The following RAP1GAP variants were observed in gnomAD, a reference collection of about 807,000 sequenced individuals.
RAP1GAP encodes the protein RAP1 GTPase activating protein.
In RAP1GAP, 35 loss-of-function variants were observed where a neutral mutation model predicts 87.2. That is an observed-to-expected ratio of 0.40 (90% confidence interval 0.31 to 0.53). The LOEUF is 0.53. Ranked by LOEUF, RAP1GAP falls within the 20% of genes least tolerant of loss-of-function variation. RAP1GAP has a pLI of 0.48. For synonymous variants in RAP1GAP, 375 were observed against 363.9 expected (o/e 1.03, Z -0.35); for missense variants, 734 against 898.9 (o/e 0.82, Z 2.35).
In RAP1GAP at chr1:21,611,576, C is replaced by T. The variant is rs781669156; in HGVS notation, c.719G>A (p.Arg240Gln). 6 of 1,614,146 alleles carry T rather than the reference C, an allele frequency of 3.7e-6. No individual in the cohort carries two copies. Among genetic ancestry groups the T allele is most frequent in the Non-Finnish European group, 5.1e-6 (6 of 1,180,024 alleles). ...KVKLQDFKGF[R>Q]GGLDVTHGQT... ...CCCGTGGGTCACGTCCAGGCCTCCTCGGAACCTGCCCCGGGGCCCCCCAGG... is the reference window on the plus strand; with the variant it reads ...CCCGTGGGTCACGTCCAGGCCTCCTTGGAACCTGCCCCGGGGCCCCCCAGG... The change falls in exon 13 of 25, where the codon CGA becomes CAA. Residue 240 changes from arginine to glutamine, a missense_variant. By Grantham distance (43) the Arg-to-Gln change is conservative (BLOSUM62 1). Coordinates refer to ENST00000374765, the MANE Select transcript of RAP1GAP (RefSeq NM_002885.4).
intron 2 of RAP1GAP, among the ~76,000 whole-genome samples, chr1:21,646,575 G>C (rs1163979429): frequency 6.6e-6 from 1 of 152,176 alleles, no homozygotes; most frequent in Non-Finnish European, 1.5e-5. Flanking sequence ...AATCCTTTCT[G>C]GGTTCTGCCT....
At chr1:21,643,736 C>T (rs2095766148) in intron 2 of RAP1GAP, among the ~76,000 whole-genome samples, 1 of 152,318 alleles carries the variant, frequency 6.6e-6, no homozygotes, top group Non-Finnish European at 1.5e-5. Flanking sequence ...TCCCCCTGCG[C>T]ATACACTCTG....
intron 2 of RAP1GAP, among the ~76,000 whole-genome samples, chr1:21,648,570 G>A (rs551005464): frequency 3.3e-5 from 5 of 152,296 alleles, no homozygotes; most frequent in South Asian, 4.1e-4. Flanking sequence ...CACGTCAGGC[G>A]TCTACTACAG....
intron 3 of RAP1GAP, among the ~76,000 whole-genome samples, chr1:21,621,852 C>T (rs1570845751): frequency 6.6e-6 from 1 of 152,332 alleles, no homozygotes; most frequent in East Asian, 1.9e-4. Context: ...GAATCAGTCA[C>T]ATAAACACTG....
chr1:21,606,253 G>T, intron 17 of RAP1GAP, 56 bp from the exon 18 acceptor site: 1 of 1,535,606 alleles, frequency 6.5e-7, no homozygotes, highest in South Asian at 1.2e-5. Flanking sequence ...CGTCCCCTTG[G>T]GGAAACCCAG....
intron 1 of RAP1GAP, among the ~76,000 whole-genome samples, chr1:21,650,352 T>G (rs2096465108): frequency 6.6e-6 from 1 of 151,852 alleles, no homozygotes; most frequent in Non-Finnish European, 1.5e-5. Context: ...ACACGTACCC[T>G]GCTCCCTAAG....
intron 18 of RAP1GAP, 107 bp downstream of exon 18, chr1:21,605,959 T>C (rs1382115960): frequency 7.4e-6 from 10 of 1,356,836 alleles, no homozygotes; most frequent in Non-Finnish European, 9.0e-6. Flanking sequence ...GATGGGCATG[T>C]GGGCAGCAGG....
At position 21,603,903 on chromosome 1, in the gene RAP1GAP, T is replaced by C. The variant is rs41312006; in HGVS notation, c.1429-990A>G. On this transcript the variant is annotated intron_variant, in intron 18 of 24. Coordinates refer to ENST00000374765, the MANE Select transcript of RAP1GAP (RefSeq NM_002885.4). The surrounding 1 kb of genome is among the most constrained non-coding windows in gnomAD (Gnocchi z 6.0). Reference sequence around the variant, plus strand: ...AATCTACTCGCACTTTTCCCAGGAATAAGCAATGACTGGCAAGCAGCAGAG... The same window carrying C: ...AATCTACTCGCACTTTTCCCAGGAACAAGCAATGACTGGCAAGCAGCAGAG... 148 of 1,546,372 alleles carry C rather than the reference T, an allele frequency of 9.6e-5. No individual in the cohort carries two copies. Among genetic ancestry groups the C allele is most frequent in the Non-Finnish European group, 1.3e-4 (146 of 1,142,204 alleles).
intron 11 of RAP1GAP, 74 bp downstream of exon 11, chr1:21,611,952 C>T (rs1412950008): frequency 4.0e-6 from 6 of 1,482,044 alleles, no homozygotes; most frequent in Non-Finnish European, 4.6e-6. Flanking sequence ...GGCCGGTGTG[C>T]TGCCCTGGAA....
Position 21,606,080 on chromosome 1 carries a change from T to G in RAP1GAP, c.1414A>C (p.Lys472Gln). 6.3e-7 allele frequency: 1 copy of G among 1,585,360 alleles called. No individual in the cohort carries two copies. Among genetic ancestry groups the G allele is most frequent in the Middle Eastern group, 1.7e-4 (1 of 5,952 alleles). The change falls in exon 18 of 25, where the codon AAG becomes CAG. Residue 472 changes from lysine (K) to glutamine (Q), a missense_variant. By Grantham distance (53) the Lys-to-Gln change is moderately conservative (BLOSUM62 1). Around this residue, in one of 2 missense-constraint regions of RAP1GAP, gnomAD observed 485 missense variants for 646.2 expected, o/e 0.75. Transcript: ENST00000374765. ...AGGGCACTCACTATTCCAGCCGCCT[T>G]GGCCAGGTCGGGGTTGTTGGGCGCG... ...SFAPNNPDLA[K>Q]AAGISLIVPG...
At chr1:21,619,646 C>A (rs1041922799) in intron 4 of RAP1GAP, among the ~76,000 whole-genome samples, 3 of 152,030 alleles carry the variant, frequency 2.0e-5, no homozygotes, top group Non-Finnish European at 4.4e-5. Flanking sequence ...GCTGACAGGC[C>A]CCCAGCATCT....
At position 21,602,878 on chromosome 1, in the gene RAP1GAP, C is replaced by G. The variant is rs776095319; in HGVS notation, c.1464G>C (p.Lys488Asn). Residue 488 changes from lysine (K) to asparagine (N), a missense_variant, in exon 19 of 25, where the codon AAG becomes AAC. Around this residue, in one of 2 missense-constraint regions of RAP1GAP, gnomAD observed 249 missense variants for 252.7 expected, o/e 0.99. Transcript: ENST00000374765. ...GGCGGGAGCCGAACGGGCCCGACTT[C>G]TTCCTCGTGGGGCTCTTCCCAGGGA... ...LIVPGKSPTR[K>N]KSGPFGSRRS... The G allele has an allele frequency of 6.2e-7, 1 of 1,610,182 alleles. No individual in the cohort carries two copies. Among genetic ancestry groups the G allele is most frequent in the Middle Eastern group, 1.7e-4 (1 of 6,050 alleles).
At chr1:21,657,374 A>G (rs973449824) in intron 1 of RAP1GAP, among the ~76,000 whole-genome samples, 2 of 152,234 alleles carry the variant, frequency 1.3e-5, no homozygotes, top group Non-Finnish European at 2.9e-5. Flanking sequence ...AGGCCCACAC[A>G]TCCTTACTCA....
intron 2 of RAP1GAP, among the ~76,000 whole-genome samples, chr1:21,639,942 G>A (rs2095351744): frequency 6.6e-6 from 1 of 152,144 alleles, no homozygotes; most frequent in Admixed American, 6.5e-5. Context: ...GTTTGGATCT[G>A]ATCACACCAC....
At chr1:21,641,382 C>T (rs185060470) in intron 2 of RAP1GAP, among the ~76,000 whole-genome samples, 1 of 152,292 alleles carries the variant, frequency 6.6e-6, no homozygotes. Flanking sequence ...TACCCTCTGC[C>T]TGGACTACTC....
At position 21,622,050 on chromosome 1, in the gene RAP1GAP, G is replaced by A. The variant is rs765597501; in HGVS notation, c.-18-2000C>T. ...GAGCATTCAGAGCCCCCCAAACGGG[G>A]CAGGGGCAGGGTAAAGTGGTCCCGA... On this transcript the variant is annotated intron_variant, in intron 3 of 24. Coordinates refer to ENST00000374765, the MANE Select transcript of RAP1GAP (RefSeq NM_002885.4). This position sits in a 1 kb window ranked among gnomAD's most constrained non-coding sequence, Gnocchi z 5.7. Among the ~76,000 whole-genome samples, 1 of 152,126 alleles carries A rather than the reference G, an allele frequency of 6.6e-6. No individual in the cohort carries two copies. Among genetic ancestry groups the A allele is most frequent in the Non-Finnish European group, 1.5e-5 (1 of 68,020 alleles).
chr1:21,663,084 C>G (rs1440755905), intron 1 of RAP1GAP, among the ~76,000 whole-genome samples: 1 of 152,212 alleles, frequency 6.6e-6, no homozygotes, highest in Non-Finnish European at 1.5e-5. Context: ...CCAGGCTTCT[C>G]TGCCCTTCGG....
At chr1:21,640,705 G>GCCAGGTAGAT (rs150782609) in intron 2 of RAP1GAP, among the ~76,000 whole-genome samples, 25,882 of 151,996 alleles carry the variant, frequency 0.17, 2,562 homozygotes, top group East Asian at 0.35. Flanking sequence ...GGGTCTTTGC[G>GCCAGGTAGAT]CCAGGTAGAT....
intron 20 of RAP1GAP, among the ~76,000 whole-genome samples, chr1:21,600,991 A>G (rs1038939413): frequency 6.7e-6 from 1 of 149,084 alleles, no homozygotes; most frequent in Non-Finnish European, 1.5e-5. Context: ...CAATGTCACA[A>G]TGTCTGTCCA....
Sources: gnomAD v4.1 joint callset for allele counts (sites outside exome capture counted in the v4.1 genomes callset) on GRCh38, gnomAD v4.1.1 for gene constraint, gnomAD v4.1.1 regional missense constraint, Gnocchi (gnomAD v3.1) non-coding constraint, MANE v1.5 for transcripts, NCBI Gene and HGNC (gene_info 2026-07-23, HGNC 2026-07-21) for gene names.